The following ALDH1A3 variants were observed in gnomAD, a reference collection of about 807,000 sequenced individuals.
ALDH1A3 encodes aldehyde dehydrogenase 1 family member A3.
ALDH1A3 carries 28 observed loss-of-function variants against 57.5 expected under a neutral mutation model. The observed-to-expected ratio is 0.49, with a 90% CI of 0.36 to 0.67. The LOEUF is 0.67. Among genes scored for constraint, ALDH1A3 ranks in the 30% least tolerant of loss-of-function variants. The pLI is 0.00. For missense variants in ALDH1A3, 507 were observed against 669.4 expected, an observed-to-expected ratio of 0.76 and a Z score of 2.68; for synonymous variants, 281 against 264.8, an observed-to-expected ratio of 1.06 and a Z score of -0.59.
intron 9 of ALDH1A3, among the ~76,000 whole-genome samples, chr15:100,904,954 A>T (rs2041808336): frequency 6.6e-6 from 1 of 152,218 alleles, no homozygotes; most frequent in Admixed American, 6.5e-5. Context: ...AATTCCAGTA[A>T]CTATTACCCT....
intron 3 of ALDH1A3, chr15:100,888,420 T>A (rs1323149131): frequency 1.3e-5 from 2 of 152,232 alleles, no homozygotes; most frequent in African/African-American, 4.8e-5. Flanking sequence ...TAACTCCCTT[T>A]TAAACTTAAG....
chr15:100,893,147 T>C lies in ALDH1A3; in HGVS notation c.537+141T>C, dbSNP rs2141555517. 1.4e-6 allele frequency: 1 copy of C among 710,106 alleles called. No homozygotes were observed. Among genetic ancestry groups the C allele is most frequent in the East Asian group, 2.7e-5 (1 of 36,804 alleles). 44.0% of individuals were successfully genotyped at this position (710,106 alleles called of 1,614,324 possible). On this transcript the variant is annotated intron_variant, in intron 5 of 12. Transcript: ENST00000329841. The surrounding 1 kb of genome is among the most constrained non-coding windows in gnomAD (Gnocchi z 4.8). ...ATTTTCTTCGTGGCATGGAACTCCATGCTTGGGGGCTCTTGAGATGGATTA... is the reference window on the plus strand; with the variant it reads ...ATTTTCTTCGTGGCATGGAACTCCACGCTTGGGGGCTCTTGAGATGGATTA...
intron 12 of ALDH1A3, among the ~76,000 whole-genome samples, chr15:100,910,965 A>ACACC (rs1491406386): frequency 6.6e-6 from 1 of 152,106 alleles, no homozygotes; most frequent in Non-Finnish European, 1.5e-5. Flanking sequence ...TGGCTCCTTA[A>ACACC]CACCCCCTCG....
rs962618607 is a variant in ALDH1A3 at position 100,906,314 on chromosome 15, A to G, written c.1233+627A>G. 6.6e-6 allele frequency among the ~76,000 whole-genome samples: 1 copy of G among 152,170 alleles called. No individual in the cohort carries two copies. Among genetic ancestry groups the G allele is most frequent in the African/African-American group, 2.4e-5 (1 of 41,446 alleles). On this transcript the variant is annotated intron_variant, in intron 10 of 12. Transcript: ENST00000329841. The surrounding 1 kb of genome is among the most constrained non-coding windows in gnomAD (Gnocchi z 4.8). The stretch of plus-strand genomic sequence containing the variant: ...ACAGCATTTGTAAGAGGAGAGCTGG[A>G]TCCCAGGAGGTTAGACCCTGGAGGT...
Position 100,889,270 on chromosome 15 carries a change from C to T in ALDH1A3, c.345+1558C>T, listed in dbSNP as rs1045083575. Among the ~76,000 whole-genome samples the T allele has an allele frequency of 6.6e-6, 1 of 152,166 alleles. No individual in the cohort carries two copies. Among genetic ancestry groups the T allele is most frequent in the African/African-American group, 2.4e-5 (1 of 41,434 alleles). ...GCCACTGTTTAAAGGAGGGTGTCAG[C>T]CAGGACACGGAAATTGCTGTTGCCC... On this transcript the variant is annotated intron_variant, in intron 3 of 12. Coordinates refer to ENST00000329841, the MANE Select transcript of ALDH1A3 (RefSeq NM_000693.4). The surrounding 1 kb of genome is among the most constrained non-coding windows in gnomAD (Gnocchi z 5.1).
rs1025231580 is a variant in ALDH1A3 at position 100,889,109 on chromosome 15, G to A, written c.345+1397G>A. 6.6e-6 allele frequency: 1 copy of A among 152,254 alleles called. No individual in the cohort carries two copies. Among genetic ancestry groups the A allele is most frequent in the Non-Finnish European group, 1.5e-5 (1 of 68,056 alleles). 9.4% of individuals were successfully genotyped at this position (152,254 alleles called of 1,614,324 possible). A position where few individuals can be genotyped will look rare whatever the true frequency, so the allele number is the denominator to read the frequency against. On this transcript the variant is annotated intron_variant, in intron 3 of 12. Transcript: ENST00000329841. This position sits in a 1 kb window ranked among gnomAD's most constrained non-coding sequence, Gnocchi z 5.1. ...TGGGCCATGAGGTCCTTTGCATCCT[G>A]TCCTTGCCCATCTCAGCCTCTTGTT...
At chr15:100,898,313 C>T (rs1277497761) in intron 8 of ALDH1A3, 128 bp downstream of exon 8, 39 of 724,472 alleles carry the variant, frequency 5.4e-5, no homozygotes, top group Middle Eastern at 4.0e-4. Flanking sequence ...ACGCTTCCAC[C>T]GTGGGCATCC....
Position 100,906,687 on chromosome 15 carries a change from T to C in ALDH1A3, c.1234-434T>C, listed in dbSNP as rs139547670. Among the ~76,000 whole-genome samples, 71 of 152,292 alleles carry C rather than the reference T, an allele frequency of 4.7e-4. No individual in the cohort carries two copies. In the East Asian group the frequency reaches 0.013, roughly 28 times the overall value. The stretch of plus-strand genomic sequence containing the variant: ...CCTGGTAGTTATTATGGAAACGTTC[T>C]AGGGTGTCTTCCTTGGTAGAAAACA... On this transcript the variant is annotated intron_variant, in intron 10 of 12. Coordinates refer to ENST00000329841, the MANE Select transcript of ALDH1A3 (RefSeq NM_000693.4). This position sits in a 1 kb window ranked among gnomAD's most constrained non-coding sequence, Gnocchi z 4.8.
intron 1 of ALDH1A3, among the ~76,000 whole-genome samples, chr15:100,882,746 G>T (rs1596203744): frequency 6.6e-6 from 1 of 152,156 alleles, no homozygotes; most frequent in South Asian, 2.1e-4. Flanking sequence ...ACAAATCAAA[G>T]ACAACAATTC....
chr15:100,906,982 T>G lies in ALDH1A3; in HGVS notation c.1234-139T>G. On this transcript the variant is annotated intron_variant, in intron 10 of 12. Coordinates refer to ENST00000329841, the MANE Select transcript of ALDH1A3 (RefSeq NM_000693.4). The surrounding 1 kb of genome is among the most constrained non-coding windows in gnomAD (Gnocchi z 4.8). Reference sequence around the variant, plus strand: ...AGCTGAAGCAATGTTTGGACGTTCTTTCTTCTCTAATCATCGTTTTTCAGG... The same window carrying G: ...AGCTGAAGCAATGTTTGGACGTTCTGTCTTCTCTAATCATCGTTTTTCAGG... The G allele has an allele frequency of 1.1e-6, 1 of 925,176 alleles. No homozygotes were observed. The highest frequency in any genetic ancestry group is 1.6e-6 in the Non-Finnish European group (1 of 639,152). 57.3% of individuals were successfully genotyped at this position (925,176 alleles called of 1,614,324 possible). A position where few individuals can be genotyped will look rare whatever the true frequency, so the allele number is the denominator to read the frequency against.
intron 8 of ALDH1A3, among the ~76,000 whole-genome samples, chr15:100,898,500 C>G (rs919098798): frequency 6.6e-6 from 1 of 152,232 alleles, no homozygotes; most frequent in African/African-American, 2.4e-5. Flanking sequence ...GCTGGGGTCA[C>G]GAGGAGCAGG....
At chr15:100,909,580 G>A (rs1379600041) in intron 12 of ALDH1A3, among the ~76,000 whole-genome samples, 5 of 146,718 alleles carry the variant, frequency 3.4e-5, no homozygotes, top group East Asian at 4.1e-4. Context: ...AAACCCCTTC[G>A]TGTGTGTGCA....
chr15:100,895,718 T>C, intron 6 of ALDH1A3: 1 of 578,842 alleles, frequency 1.7e-6, no homozygotes, highest in African/African-American at 1.9e-5. Context: ...CATCTCCCCT[T>C]GCCCAGCCTG....
chr15:100,892,182 G>A, intron 3 of ALDH1A3: 1 of 304,300 alleles, frequency 3.3e-6, no homozygotes, highest in Non-Finnish European at 6.1e-6. Context: ...ACAGATGGAA[G>A]ATCAGATGCC....
At chr15:100,897,902 G>A (rs2041723613) in intron 7 of ALDH1A3, among the ~76,000 whole-genome samples, 181 bp from the exon 8 acceptor site, 1 of 152,210 alleles carries the variant, frequency 6.6e-6, no homozygotes, top group African/African-American at 2.4e-5. Flanking sequence ...GTCTGGCATG[G>A]GAGGAGATGC....
At position 100,879,938 on chromosome 15, in the gene ALDH1A3, G is replaced by A. The variant is rs2041528361; in HGVS notation, c.31G>A (p.Gly11Arg). Residue 11 changes from glycine to arginine, a missense_variant, in exon 1 of 13, where the codon GGG becomes AGG. Coordinates refer to ENST00000329841, the MANE Select transcript of ALDH1A3 (RefSeq NM_000693.4). The stretch of plus-strand genomic sequence containing the variant: ...CACCGCTAACGGGGCCGTGGAAAAC[G>A]GGCAGCCGGACAGGAAGCCGCCGGC... MATANGAVEN[G>R]QPDRKPPALP... 1.4e-6 allele frequency: 2 copies of A among 1,469,618 alleles called. No homozygotes were observed. Among genetic ancestry groups the A allele is most frequent in the African/African-American group, 1.5e-5 (1 of 68,084 alleles). 91.0% of individuals were successfully genotyped at this position (1,469,618 alleles called of 1,614,324 possible). A position where few individuals can be genotyped will look rare whatever the true frequency, so the allele number is the denominator to read the frequency against.
chr15:100,892,489 G>A, intron 3 of ALDH1A3, 21 bp from the exon 4 acceptor site: 1 of 1,608,558 alleles, frequency 6.2e-7, no homozygotes, highest in South Asian at 1.1e-5. Context: ...GTCCGAAACA[G>A]ACATCATCTT....
intron 8 of ALDH1A3, among the ~76,000 whole-genome samples, chr15:100,899,582 C>T (rs2041745306): frequency 6.6e-6 from 1 of 152,148 alleles, no homozygotes; most frequent in South Asian, 2.1e-4. Context: ...GCCACCATTC[C>T]CCTGCCCCTT....
chr15:100,887,565 C>T lies in ALDH1A3; in HGVS notation c.205-7C>T, dbSNP rs1447953851. On this transcript the variant is annotated splice_region_variant and splice_polypyrimidine_tract_variant and intron_variant, in intron 2 of 12. Transcript: ENST00000329841. The surrounding 1 kb of genome is among the most constrained non-coding windows in gnomAD (Gnocchi z 4.6). ...GACAGTCTCTCTCTGTTGTTCTGGT[C>T]GCTCAGCCCGACGTGGACAAGGCTG... is the stretch of plus-strand genomic sequence containing the variant. 5 of 1,575,346 alleles carry T rather than the reference C, an allele frequency of 3.2e-6. No homozygotes were observed. The highest frequency in any genetic ancestry group is 2.3e-5 in the East Asian group (1 of 43,056).
Sources: gnomAD v4.1 joint callset for allele counts (sites outside exome capture counted in the v4.1 genomes callset) on GRCh38, gnomAD v4.1.1 for gene constraint, Gnocchi (gnomAD v3.1) non-coding constraint, MANE v1.5 for transcripts, NCBI Gene and HGNC (gene_info 2026-07-23, HGNC 2026-07-21) for gene names.